Variants in USH2A observed in about 807,000 individuals in gnomAD.
The protein encoded by USH2A is usherin.
A neutral mutation model predicts 538.9 loss-of-function variants in USH2A; 443 were observed. The ratio of observed to expected loss-of-function variants is 0.82; its 90% CI spans 0.76 to 0.89. The LOEUF (loss-of-function observed/expected upper bound fraction) is 0.89. Among genes scored for constraint, USH2A ranks in the 40% least tolerant of loss-of-function variants. The pLI is 0.00. For synonymous variants in USH2A, 2,413 were observed against 2,273.5 expected (o/e 1.06, Z -1.75); for missense variants, 6,633 against 6,324.8 (o/e 1.05, Z -1.65).
chr1:215,751,642 C>T (rs984166840), intron 58 of USH2A, among the ~76,000 whole-genome samples: 7 of 152,034 alleles, frequency 4.6e-5, no homozygotes, highest in African/African-American at 1.7e-4. Flanking sequence ...TAATTTTTCA[C>T]CTATTAAGGT....
At chr1:216,343,887 A>G (rs866959777) in intron 4 of USH2A, among the ~76,000 whole-genome samples, 4 of 152,162 alleles carry the variant, frequency 2.6e-5, no homozygotes, top group Middle Eastern at 3.4e-3. Context: ...TTTATGCCAA[A>G]AAATTACCAT....
At chr1:216,066,452 T>C (rs112371134) in intron 30 of USH2A, among the ~76,000 whole-genome samples, 5 of 151,880 alleles carry the variant, frequency 3.3e-5, no homozygotes, top group African/African-American at 7.2e-5. Context: ...GGCGACAGAG[T>C]GAGACTTCAT....
At chr1:216,051,580 A>T (rs74143918) in intron 30 of USH2A, among the ~76,000 whole-genome samples, 2,761 of 152,326 alleles carry the variant, frequency 0.018, 96 homozygotes, top group African/African-American at 0.063. Context: ...TAAGACTTTT[A>T]ATCCTAATGT....
intron 21 of USH2A, among the ~76,000 whole-genome samples, chr1:216,107,702 T>C (rs1312933814): frequency 6.7e-6 from 1 of 149,164 alleles, no homozygotes; most frequent in Non-Finnish European, 1.5e-5. Context: ...TTTTTTTGCA[T>C]TTGCTGTTTG....
chr1:215,771,651 T>C lies in USH2A; in HGVS notation c.10940-4863A>G, dbSNP rs181884047. Among the ~76,000 whole-genome samples, 690 of 146,748 alleles carry C rather than the reference T, an allele frequency of 4.7e-3. 13 individuals carry two copies. Among genetic ancestry groups the C allele is most frequent in the African/African-American group, 0.017 (654 of 39,576 alleles). On this transcript the variant is annotated intron_variant, in intron 55 of 71. Transcript: ENST00000307340. Reference sequence around the variant, plus strand: ...TCAAGTGGGACTATATATTTAAATATTTTCATTTTGAATATTATTATGAGT... The same window carrying C: ...TCAAGTGGGACTATATATTTAAATACTTTCATTTTGAATATTATTATGAGT...
At chr1:216,230,854 C>A (rs1278388709) in intron 14 of USH2A, among the ~76,000 whole-genome samples, 1 of 149,374 alleles carries the variant, frequency 6.7e-6, no homozygotes, top group East Asian at 2.0e-4. Context: ...TTAGTCTGAA[C>A]TTTAGACAAG....
chr1:215,634,640 C>G lies in USH2A; in HGVS notation c.15116G>C (p.Ser5039Thr), dbSNP rs1424418214. 2 of 1,614,224 alleles carry G rather than the reference C, an allele frequency of 1.2e-6. No homozygotes were observed. The highest frequency in any genetic ancestry group is 8.5e-7 in the Non-Finnish European group (1 of 1,180,044). ...GSRSKSTEFYSELWFIVLMAM... is the reference protein window; with the variant it reads ...GSRSKSTEFYTELWFIVLMAM... Reference sequence around the variant, plus strand: ...CATTAACACTATGAACCACAGCTCGCTGTAGAACTCTGTGCTTTTGCTCCG... The same window carrying G: ...CATTAACACTATGAACCACAGCTCGGTGTAGAACTCTGTGCTTTTGCTCCG... Residue 5039 changes from serine (S) to threonine (T), a missense_variant, in exon 70 of 72, where the codon AGC (serine) becomes ACC (threonine). By Grantham distance (58) the Ser-to-Thr change is moderately conservative (BLOSUM62 1). Coordinates refer to ENST00000307340, the MANE Select transcript of USH2A (RefSeq NM_206933.4).
At chr1:216,135,160 T>TCACACA (rs1457349170) in intron 21 of USH2A, among the ~76,000 whole-genome samples, 13 of 108,394 alleles carry the variant, frequency 1.2e-4, no homozygotes, top group African/African-American at 4.9e-4. Context: ...TCTCTCTCTC[T>TCACACA]CTCTCTCACA....
At chr1:215,640,170 C>T (rs921372204) in intron 68 of USH2A, among the ~76,000 whole-genome samples, 1 of 152,088 alleles carries the variant, frequency 6.6e-6, no homozygotes, top group Non-Finnish European at 1.5e-5. Flanking sequence ...CCTGATAGGG[C>T]TCTGTTTGGA....
intron 32 of USH2A, among the ~76,000 whole-genome samples, chr1:216,021,885 T>C (rs917214609): frequency 6.6e-6 from 1 of 152,262 alleles, no homozygotes; most frequent in Middle Eastern, 3.4e-3. Flanking sequence ...ATCCCCAACA[T>C]TGAGGCTGAG....
At chr1:215,829,147 T>G (rs895204020) in intron 47 of USH2A, among the ~76,000 whole-genome samples, 2 of 152,170 alleles carry the variant, frequency 1.3e-5, no homozygotes, top group Non-Finnish European at 2.9e-5. Flanking sequence ...GATGATAATA[T>G]GAGAAGTATG....
At chr1:215,683,624 C>T (rs765602603) in intron 61 of USH2A, among the ~76,000 whole-genome samples, 5 of 152,262 alleles carry the variant, frequency 3.3e-5, no homozygotes, top group South Asian at 2.1e-4. Flanking sequence ...GGAGATGTAG[C>T]GTTCTGTCTT....
chr1:215,950,491 T>G (rs530881388), intron 37 of USH2A, among the ~76,000 whole-genome samples: 1 of 149,764 alleles, frequency 6.7e-6, no homozygotes, highest in Non-Finnish European at 1.5e-5. Context: ...AATAACACAT[T>G]TATAATTGCT....
chr1:215,845,772 A>G, intron 45 of USH2A, 52 bp downstream of exon 45: 4 of 1,577,006 alleles, frequency 2.5e-6, no homozygotes, highest in East Asian at 2.2e-5. Flanking sequence ...GCAAGAATCA[A>G]TCAATTTCAT....
intron 32 of USH2A, among the ~76,000 whole-genome samples, chr1:216,044,983 A>G (rs2030450477): frequency 6.6e-6 from 1 of 152,164 alleles, no homozygotes; most frequent in Non-Finnish European, 1.5e-5. Context: ...AACTGGATGA[A>G]TACACAGCCC....
At chr1:215,655,935 C>A (rs1431338489) in intron 64 of USH2A, among the ~76,000 whole-genome samples, 2 of 151,988 alleles carry the variant, frequency 1.3e-5, no homozygotes, top group East Asian at 3.9e-4. Flanking sequence ...GGGGTTTCAC[C>A]ATGTTGTCCA....
intron 11 of USH2A, among the ~76,000 whole-genome samples, chr1:216,284,270 C>A (rs1357356027): frequency 6.6e-6 from 1 of 152,100 alleles, no homozygotes; most frequent in African/African-American, 2.4e-5. Flanking sequence ...ATCCCCATGT[C>A]ATGGGAGGAA....
At chr1:216,107,788 A>G (rs565117533) in intron 21 of USH2A, among the ~76,000 whole-genome samples, 40 of 148,196 alleles carry the variant, frequency 2.7e-4, no homozygotes, top group South Asian at 2.1e-3. Context: ...TACCTTTTTC[A>G]TCTCCCTAGG....
intron 13 of USH2A, among the ~76,000 whole-genome samples, chr1:216,240,438 C>G (rs531462650): frequency 6.0e-5 from 9 of 150,736 alleles, no homozygotes; most frequent in African/African-American, 2.2e-4. Context: ...CAGATTTTCT[C>G]AGAACATAAG....
Sources: gnomAD v4.1 joint callset for allele counts (sites outside exome capture counted in the v4.1 genomes callset) on GRCh38, gnomAD v4.1.1 for gene constraint, MANE v1.5 for transcripts, NCBI Gene and HGNC (gene_info 2026-07-23, HGNC 2026-07-21) for gene names.